NEDD9: variants seen among roughly 807,000 people sequenced by gnomAD.
NEDD9 encodes the protein neural precursor cell expressed, developmentally down-regulated 9.
In NEDD9, 26 loss-of-function variants were observed where a neutral mutation model predicts 76.6. The ratio of observed to expected loss-of-function variants is 0.34; its 90% confidence interval spans 0.25 to 0.47. The LOEUF (loss-of-function observed/expected upper bound fraction) is 0.47. Ranked by LOEUF, NEDD9 falls within the 20% of genes least tolerant of loss-of-function variation. NEDD9 has a pLI of 1.00. For synonymous variants in NEDD9, 392 were observed against 414.2 expected, an observed-to-expected ratio of 0.95 and a Z score of 0.65; for missense variants, 937 against 1,058.5, an observed-to-expected ratio of 0.89 and a Z score of 1.59.
intron 3 of NEDD9, among the ~76,000 whole-genome samples, chr6:11,262,715 T>C (rs185026718): frequency 6.6e-6 from 1 of 152,362 alleles, no homozygotes; most frequent in East Asian, 1.9e-4. Context: ...AAACACAGTA[T>C]ACATTCATTA....
chr6:11,232,557 G>A lies in NEDD9; in HGVS notation c.-42C>T, dbSNP rs773460937. The A allele has an allele frequency of 5.6e-6, 9 of 1,613,992 alleles. No homozygotes were observed. In the East Asian group the frequency reaches 1.3e-4, roughly 24 times the overall value. ...TGAGCCGTTTTCCTACACTAGTTAAGACAGCATTAAGCACTGCGGTGCCCG... is the reference window on the plus strand; with the variant it reads ...TGAGCCGTTTTCCTACACTAGTTAAAACAGCATTAAGCACTGCGGTGCCCG... On this transcript the variant is annotated 5_prime_UTR_variant, in exon 1 of 7. Coordinates refer to ENST00000379446, the MANE Select transcript of NEDD9 (RefSeq NM_006403.4).
At position 11,213,717 on chromosome 6, in the gene NEDD9, G is replaced by A. The variant is rs779569534; in HGVS notation, c.23C>T (p.Ala8Val). Reference protein sequence around the residue: MKYKNLMARALYDNVPEC... With the variant: MKYKNLMVRALYDNVPEC... Reference sequence around the variant, plus strand: ...TGGGACATTGTCATATAAGGCCCTTGCCATAAGATTCTAGGAGGGAAGGAA... The same window carrying A: ...TGGGACATTGTCATATAAGGCCCTTACCATAAGATTCTAGGAGGGAAGGAA... Residue 8 changes from alanine (A) to valine (V), a missense_variant, in exon 2 of 7, where the codon GCA (alanine) becomes GTA (valine). Ala to Val is a moderately conservative substitution (Grantham distance 64, BLOSUM62 0). Coordinates refer to ENST00000379446, the MANE Select transcript of NEDD9 (RefSeq NM_006403.4). This position sits in a 1 kb window ranked among gnomAD's most constrained non-coding sequence, Gnocchi z 5.4. The A allele has an allele frequency of 1.2e-6, 2 of 1,613,876 alleles. No individual in the cohort carries two copies. The highest frequency in any genetic ancestry group is 1.7e-6 in the Non-Finnish European group (2 of 1,179,808).
chr6:11,199,263 G>A (rs1373199083), intron 2 of NEDD9: 1 of 152,180 alleles, frequency 6.6e-6, no homozygotes, highest in Non-Finnish European at 1.5e-5. Flanking sequence ...GTTGCTTATT[G>A]GAAGAATTAG....
intron 2 of NEDD9, among the ~76,000 whole-genome samples, chr6:11,321,638 G>A (rs1481812768): frequency 2.6e-5 from 4 of 152,208 alleles, no homozygotes; most frequent in Admixed American, 6.5e-5. Flanking sequence ...ACTGGGAACT[G>A]AGCCCTCTGA....
intron 6 of NEDD9, among the ~76,000 whole-genome samples, chr6:11,186,251 A>T (rs988059717): frequency 1.3e-5 from 2 of 152,160 alleles, no homozygotes; most frequent in Non-Finnish European, 2.9e-5. Context: ...AATGCATATA[A>T]ATATATGAGC....
chr6:11,357,170 A>G (rs1762593056), intron 1 of NEDD9, among the ~76,000 whole-genome samples: 1 of 152,154 alleles, frequency 6.6e-6, no homozygotes, highest in African/African-American at 2.4e-5. Flanking sequence ...AAGTCTTTAA[A>G]TTGATTTGCT....
At chr6:11,320,533 T>A (rs1330150185) in intron 2 of NEDD9, among the ~76,000 whole-genome samples, 1 of 152,156 alleles carries the variant, frequency 6.6e-6, no homozygotes, top group Non-Finnish European at 1.5e-5. Flanking sequence ...TCAAATGCCA[T>A]CCTCAGGAGT....
At chr6:11,345,465 A>AGTGT (rs1402657548) in intron 1 of NEDD9, among the ~76,000 whole-genome samples, 2 of 150,026 alleles carry the variant, frequency 1.3e-5, no homozygotes, top group African/African-American at 5.1e-5. Context: ...TGAGAGAGAG[A>AGTGT]GAGTGTGTGT....
intron 1 of NEDD9, among the ~76,000 whole-genome samples, chr6:11,359,260 G>A (rs1461069107): frequency 6.6e-6 from 1 of 152,218 alleles, no homozygotes; most frequent in African/African-American, 2.4e-5. Context: ...GAAACTCTTG[G>A]AGAAACAAGC....
At chr6:11,331,011 A>C (rs1225190061) in intron 2 of NEDD9, among the ~76,000 whole-genome samples, 1 of 152,206 alleles carries the variant, frequency 6.6e-6, no homozygotes, top group African/African-American at 2.4e-5. Flanking sequence ...CTAGAGAAGA[A>C]AGTCAGCAAC....
intron 3 of NEDD9, chr6:11,305,236 C>G: frequency 1.2e-6 from 1 of 839,166 alleles, no homozygotes; most frequent in Non-Finnish European, 1.7e-6. Context: ...ATGAGTTACT[C>G]TATGTGCATT....
At chr6:11,257,477 G>C (rs1760025520) in intron 3 of NEDD9, among the ~76,000 whole-genome samples, 1 of 152,174 alleles carries the variant, frequency 6.6e-6, no homozygotes, top group African/African-American at 2.4e-5. Context: ...GGCAACCCTG[G>C]AATTAGCCTA....
At chr6:11,254,634 A>T (rs974783302) in intron 3 of NEDD9, among the ~76,000 whole-genome samples, 4 of 152,212 alleles carry the variant, frequency 2.6e-5, no homozygotes, top group African/African-American at 9.6e-5. Flanking sequence ...AAATCTGACC[A>T]TCTTACATGC....
chr6:11,276,524 A>G (rs1005181158), intron 3 of NEDD9, among the ~76,000 whole-genome samples: 4 of 152,172 alleles, frequency 2.6e-5, no homozygotes, highest in Non-Finnish European at 5.9e-5. Flanking sequence ...GTTTGCAGGG[A>G]GTGGGTACAC....
intron 3 of NEDD9, among the ~76,000 whole-genome samples, chr6:11,264,946 G>A (rs888127950): frequency 3.9e-5 from 6 of 152,152 alleles, no homozygotes; most frequent in African/African-American, 1.4e-4. Flanking sequence ...TGATCCTCTA[G>A]CCTTGCCTTC....
chr6:11,310,486 G>A (rs1761333871), intron 2 of NEDD9, among the ~76,000 whole-genome samples: 1 of 152,132 alleles, frequency 6.6e-6, no homozygotes, highest in South Asian at 2.1e-4. Flanking sequence ...GAGCATGGCT[G>A]GCAAAACCAC....
At chr6:11,322,574 A>C (rs879869040) in intron 2 of NEDD9, among the ~76,000 whole-genome samples, 1 of 152,200 alleles carries the variant, frequency 6.6e-6, no homozygotes, top group African/African-American at 2.4e-5. Context: ...TCAACCCTGC[A>C]TCAGCCTGAG....
At chr6:11,299,266 C>T (rs7770716) in intron 3 of NEDD9, among the ~76,000 whole-genome samples, 33,406 of 152,104 alleles carry the variant, frequency 0.22, 4,356 homozygotes, top group African/African-American at 0.37. Context: ...CGACCTGCAA[C>T]GCTGCAGCTT....
At chr6:11,207,750 C>T (rs1327348576) in intron 2 of NEDD9, among the ~76,000 whole-genome samples, 1 of 152,104 alleles carries the variant, frequency 6.6e-6, no homozygotes, top group African/African-American at 2.4e-5. Context: ...TGCTGGGTTG[C>T]AGAGAGGAAG....
Sources: allele counts gnomAD v4.1 joint callset (sites outside exome capture counted in the v4.1 genomes callset), GRCh38; gene constraint gnomAD v4.1.1; non-coding constraint Gnocchi (gnomAD v3.1); transcripts MANE v1.5; gene names NCBI Gene and HGNC (gene_info 2026-07-23, HGNC 2026-07-21).